Variants in EVC2 observed in about 807,000 individuals in gnomAD.
The protein encoded by EVC2 is limbin.
In EVC2, 148 loss-of-function variants were observed where a neutral mutation model predicts 149.3. That is an observed-to-expected ratio of 0.99 (90% CI 0.87 to 1.14). The LOEUF is 1.14. EVC2 is among the 50% of genes most tolerant of loss of function. The pLI, the probability that EVC2 is intolerant of heterozygous loss-of-function variation, is 0.00. For synonymous variants in EVC2, 776 were observed against 649.9 expected, an observed-to-expected ratio of 1.19 and a Z score of -2.95; for missense variants, 1,854 against 1,627.3, an observed-to-expected ratio of 1.14 and a Z score of -2.40.
chr4:5,575,671 T>A (rs1238099637), intron 18 of EVC2, among the ~76,000 whole-genome samples: 1 of 152,242 alleles, frequency 6.6e-6, no homozygotes, highest in Non-Finnish European at 1.5e-5. Context: ...TGGAAAAGTA[T>A]GAAGCTGTTA....
At chr4:5,585,929 T>A (rs1712240461) in intron 16 of EVC2, among the ~76,000 whole-genome samples, 1 of 152,204 alleles carries the variant, frequency 6.6e-6, no homozygotes, top group South Asian at 2.1e-4. Flanking sequence ...TGGTGCAATC[T>A]TGGCTCACTG....
At chr4:5,579,471 G>C (rs1006568816) in intron 17 of EVC2, among the ~76,000 whole-genome samples, 2 of 152,190 alleles carry the variant, frequency 1.3e-5, no homozygotes, top group Non-Finnish European at 2.9e-5. Context: ...GGCAGCGAAA[G>C]GTGGAAAGCA....
intron 17 of EVC2, among the ~76,000 whole-genome samples, chr4:5,578,622 A>C (rs1042376720): frequency 6.6e-6 from 1 of 152,132 alleles, no homozygotes; most frequent in Non-Finnish European, 1.5e-5. Context: ...GAATACATAC[A>C]TAGATGTTGA....
chr4:5,651,024 G>A (rs1023756172), intron 9 of EVC2, among the ~76,000 whole-genome samples: 3 of 152,136 alleles, frequency 2.0e-5, no homozygotes, highest in Admixed American at 6.5e-5. Context: ...TGATAAACAC[G>A]TGGATGGATG....
chr4:5,554,715 T>G (rs6446372), intron 21 of EVC2, among the ~76,000 whole-genome samples: 13,864 of 152,186 alleles, frequency 0.091, 1,191 homozygotes, highest in African/African-American at 0.22. Flanking sequence ...CAGAGAAGAC[T>G]GGGAATACAT....
intron 9 of EVC2, among the ~76,000 whole-genome samples, chr4:5,662,690 A>G (rs1718979270): frequency 6.8e-6 from 1 of 147,116 alleles, no homozygotes; most frequent in Non-Finnish European, 1.5e-5. Flanking sequence ...AATATTAAAT[A>G]TAATTATTAA....
At chr4:5,555,406 A>G (rs112506497) in intron 21 of EVC2, among the ~76,000 whole-genome samples, 4,786 of 152,284 alleles carry the variant, frequency 0.031, 123 homozygotes, top group Non-Finnish European at 0.045. Context: ...TCTACCGGAA[A>G]CCCACTCTAA....
At position 5,637,511 on chromosome 4, in the gene EVC2, T is replaced by C. The variant is rs1716966865; in HGVS notation, c.1470+3003A>G. On this transcript the variant is annotated intron_variant, in intron 10 of 21. Coordinates refer to ENST00000344408, the MANE Select transcript of EVC2 (RefSeq NM_147127.5). The surrounding 1 kb of genome is among the most constrained non-coding windows in gnomAD (Gnocchi z 4.4). The stretch of plus-strand genomic sequence containing the variant: ...ACACACCATGCATGCTAAGGAAGGA[T>C]GAGCTGTTATTGTTACACATCGTAT... 2.0e-5 allele frequency among the ~76,000 whole-genome samples: 3 copies of C among 152,200 alleles called. No homozygotes were observed. The highest frequency in any genetic ancestry group is 6.5e-5 in the Admixed American group (1 of 15,288).
intron 9 of EVC2, among the ~76,000 whole-genome samples, chr4:5,661,292 G>A (rs181615173): frequency 6.8e-4 from 103 of 152,310 alleles, no homozygotes; most frequent in Non-Finnish European, 1.0e-3. Context: ...TTTGATCTGG[G>A]AGAAATGAAG....
intron 17 of EVC2, among the ~76,000 whole-genome samples, chr4:5,582,734 T>C (rs2108785829): frequency 6.6e-6 from 1 of 152,318 alleles, no homozygotes; most frequent in East Asian, 1.9e-4. Context: ...TCCCCAATGT[T>C]GCAGGTGGAG....
intron 9 of EVC2, among the ~76,000 whole-genome samples, chr4:5,655,300 C>T (rs1718441325): frequency 1.3e-5 from 2 of 152,274 alleles, no homozygotes; most frequent in Non-Finnish European, 2.9e-5. Context: ...CTCCTGCCAG[C>T]CATCTGGTGC....
At chr4:5,617,494 C>CTAG (rs1277570582) in intron 15 of EVC2, among the ~76,000 whole-genome samples, 2 of 152,086 alleles carry the variant, frequency 1.3e-5, no homozygotes, top group Admixed American at 1.3e-4. Context: ...GCACCTACTA[C>CTAG]GCACTTAGCA....
intron 6 of EVC2, among the ~76,000 whole-genome samples, chr4:5,682,269 T>C (rs1053207465): frequency 6.6e-6 from 1 of 151,998 alleles, no homozygotes; most frequent in Non-Finnish European, 1.5e-5. Context: ...GGCAAGTGGA[T>C]CACCTGAGGT....
intron 5 of EVC2, among the ~76,000 whole-genome samples, chr4:5,687,585 G>A (rs1397805222): frequency 6.6e-6 from 1 of 152,158 alleles, no homozygotes. Context: ...TGACTTTGGG[G>A]CAAGGGACTG....
At chr4:5,610,162 A>C (rs1317403989) in intron 16 of EVC2, among the ~76,000 whole-genome samples, 1 of 152,146 alleles carries the variant, frequency 6.6e-6, no homozygotes, top group Non-Finnish European at 1.5e-5. Flanking sequence ...CTCTCAGTAC[A>C]CCTCACTAGC....
intron 15 of EVC2, among the ~76,000 whole-genome samples, chr4:5,617,433 A>G (rs990927307): frequency 3.9e-5 from 6 of 152,188 alleles, no homozygotes; most frequent in Non-Finnish European, 8.8e-5. Context: ...GATGTTTTGC[A>G]CACATCTGGT....
At chr4:5,572,264 A>G (rs903362993) in intron 19 of EVC2, among the ~76,000 whole-genome samples, 15 of 152,250 alleles carry the variant, frequency 9.9e-5, no homozygotes, top group African/African-American at 3.6e-4. Flanking sequence ...TTTATTCTGC[A>G]TAGAGCCAAT....
intron 2 of EVC2, 130 bp from the exon 3 acceptor site, chr4:5,694,631 T>G: frequency 1.1e-6 from 1 of 951,886 alleles, no homozygotes; most frequent in Admixed American, 2.0e-5. Context: ...AGTAAGTTAA[T>G]GAAGGAATGA....
At chr4:5,639,189 T>C (rs1487761816) in intron 10 of EVC2, among the ~76,000 whole-genome samples, 1 of 152,120 alleles carries the variant, frequency 6.6e-6, no homozygotes, top group East Asian at 1.9e-4. Flanking sequence ...GGGGCATCCA[T>C]AGATGGCCAC....
Sources: allele counts gnomAD v4.1 joint callset (sites outside exome capture counted in the v4.1 genomes callset), GRCh38; gene constraint gnomAD v4.1.1; non-coding constraint Gnocchi (gnomAD v3.1); transcripts MANE v1.5; gene names NCBI Gene and HGNC (gene_info 2026-07-23, HGNC 2026-07-21).